GALNT13: variants seen among roughly 807,000 people sequenced by gnomAD.
The protein encoded by GALNT13 is UDP-GalNAc:polypeptide N-acetylgalactosaminyltransferase 13.
GALNT13 carries 28 observed loss-of-function variants against 64.2 expected under a neutral mutation model. The observed-to-expected ratio is 0.44, with a 90% CI of 0.32 to 0.60. The LOEUF (loss-of-function observed/expected upper bound fraction) is 0.60, where lower values mean the gene tolerates loss of function less well. Ranked by LOEUF, GALNT13 falls within the 20% of genes least tolerant of loss-of-function variation. GALNT13 has a pLI of 0.05. For missense variants in GALNT13, 577 were observed against 669.8 expected (o/e 0.86, Z 1.53); for synonymous variants, 214 against 224.6 (o/e 0.95, Z 0.42).
chr2:154,127,465 A>G (rs1052013429), intron 3 of GALNT13, among the ~76,000 whole-genome samples: 15 of 152,102 alleles, frequency 9.9e-5, no homozygotes, highest in Non-Finnish European at 2.2e-4. Flanking sequence ...AACCACATTG[A>G]TTTTGTTTAA....
chr2:154,189,233 G>T (rs1686429914), intron 4 of GALNT13, among the ~76,000 whole-genome samples: 1 of 152,106 alleles, frequency 6.6e-6, no homozygotes, highest in South Asian at 2.1e-4. Flanking sequence ...GAATGGAGAT[G>T]CTTTTAATTA....
chr2:153,656,858 A>G, the GALNT13 span, among the ~76,000 whole-genome samples: 6 of 152,074 alleles, frequency 3.9e-5, no homozygotes, highest in Non-Finnish European at 7.4e-5. Context: ...GATGAAGTCT[A>G]AAAAGAGAGG....
chr2:154,062,111 T>C (rs1042745006), intron 3 of GALNT13, among the ~76,000 whole-genome samples: 3 of 152,162 alleles, frequency 2.0e-5, no homozygotes, highest in African/African-American at 7.2e-5. Context: ...TTGTAAGATA[T>C]TTTCTCTCTT....
chr2:154,233,496 G>C (rs1445314723), intron 4 of GALNT13, among the ~76,000 whole-genome samples: 1 of 152,138 alleles, frequency 6.6e-6, no homozygotes, highest in Non-Finnish European at 1.5e-5. Context: ...TTATTTCCTA[G>C]TAGTTCTTGA....
chr2:154,181,714 G>T (rs1208819162), intron 4 of GALNT13, among the ~76,000 whole-genome samples: 2 of 151,826 alleles, frequency 1.3e-5, no homozygotes, highest in Middle Eastern at 6.3e-3. Flanking sequence ...GATGACTGCA[G>T]GTTACCTTTA....
chr2:153,198,674 C>T, the GALNT13 span, among the ~76,000 whole-genome samples: 1 of 152,178 alleles, frequency 6.6e-6, no homozygotes, highest in Non-Finnish European at 1.5e-5. Context: ...ACCTTCCTCA[C>T]TCTTTTGCCT....
At chr2:154,246,942 G>A (rs1689815941) in intron 7 of GALNT13, among the ~76,000 whole-genome samples, 1 of 152,028 alleles carries the variant, frequency 6.6e-6, no homozygotes, top group South Asian at 2.1e-4. Context: ...ATTAAGTGAA[G>A]ACTTACTGTA....
intron 9 of GALNT13, among the ~76,000 whole-genome samples, chr2:154,317,960 T>A (rs1394426487): frequency 6.6e-6 from 1 of 151,996 alleles, no homozygotes; most frequent in African/African-American, 2.4e-5. Context: ...ATATAAGTCA[T>A]TTAGGCTTTT....
Position 154,120,186 on chromosome 2 carries a change from C to A in GALNT13, c.143-20151C>A, listed in dbSNP as rs549189908. Among the ~76,000 whole-genome samples, 8 of 152,258 alleles carry A rather than the reference C, an allele frequency of 5.3e-5. No homozygotes were observed. In the South Asian group the frequency reaches 1.7e-3, roughly 32 times the overall value. On this transcript the variant is annotated intron_variant, in intron 3 of 12. Coordinates refer to ENST00000392825, the MANE Select transcript of GALNT13 (RefSeq NM_052917.4). ...CTGGTAGAGCTTGCTGTCGGTTTTC[C>A]AGTTGGCTTGGCTGCTACTTTAGCT...
the GALNT13 span, among the ~76,000 whole-genome samples, chr2:153,362,553 CAAAA>C: frequency 0.4 from 31,992 of 80,248 alleles, 4,069 homozygotes; most frequent in Middle Eastern, 0.5. Flanking sequence ...AAATGGAGAG[CAAAA>C]AAAAAAAAAA....
intron 3 of GALNT13, among the ~76,000 whole-genome samples, chr2:154,013,446 T>G (rs1696782319): frequency 6.6e-6 from 1 of 152,120 alleles, no homozygotes; most frequent in Non-Finnish European, 1.5e-5. Flanking sequence ...GTAGGGTTGT[T>G]GGCAGTGGTA....
At chr2:153,867,529 G>A (rs565490756), upstream of GALNT13, among the ~76,000 whole-genome samples, 1 of 152,182 alleles carries the variant, frequency 6.6e-6, no homozygotes, top group African/African-American at 2.4e-5. Flanking sequence ...GACCAGTTTT[G>A]TGGAAGACAA....
chr2:153,130,675 T>C, the GALNT13 span, among the ~76,000 whole-genome samples: 1 of 152,170 alleles, frequency 6.6e-6, no homozygotes, highest in Admixed American at 6.6e-5. Flanking sequence ...ACATGGAGCA[T>C]GGTGAGCCTC....
chr2:153,665,726 T>C, the GALNT13 span, among the ~76,000 whole-genome samples: 1 of 152,042 alleles, frequency 6.6e-6, no homozygotes, highest in Non-Finnish European at 1.5e-5. Context: ...AAGCAACTCC[T>C]AGGGAAGGGT....
the GALNT13 span, among the ~76,000 whole-genome samples, chr2:153,093,535 G>A: frequency 6.6e-6 from 1 of 152,004 alleles, no homozygotes; most frequent in Admixed American, 6.6e-5. Context: ...CACCGTGTGT[G>A]GCTGATGAAG....
At chr2:153,530,585 A>C in the GALNT13 span, among the ~76,000 whole-genome samples, 1 of 152,270 alleles carries the variant, frequency 6.6e-6, no homozygotes, top group African/African-American at 2.4e-5. Flanking sequence ...CAAAAATAAC[A>C]AAACTGGAGC....
At chr2:153,420,746 C>CT in the GALNT13 span, 1 of 230,010 alleles carries the variant, frequency 4.3e-6, no homozygotes, top group Admixed American at 4.1e-5. Flanking sequence ...CAGCCATGTC[C>CT]TCACAGGCCT....
At chr2:153,448,394 T>A in the GALNT13 span, among the ~76,000 whole-genome samples, 1 of 152,142 alleles carries the variant, frequency 6.6e-6, no homozygotes, top group Admixed American at 6.5e-5. Context: ...TTTTTTTTCC[T>A]CAAGCAGACA....
At chr2:153,998,661 A>G (rs533190715) in intron 3 of GALNT13, among the ~76,000 whole-genome samples, 2 of 152,180 alleles carry the variant, frequency 1.3e-5, no homozygotes, top group East Asian at 1.9e-4. Flanking sequence ...CCATTTGTCA[A>G]TTTTGGCTTT....
Sources: allele counts gnomAD v4.1 joint callset (sites outside exome capture counted in the v4.1 genomes callset), GRCh38; gene constraint gnomAD v4.1.1; transcripts MANE v1.5; gene names NCBI Gene and HGNC (gene_info 2026-07-23, HGNC 2026-07-21).